The following CCDC12 variants were observed in gnomAD, a reference collection of about 807,000 sequenced individuals.
CCDC12 encodes coiled-coil domain-containing protein 12.
A neutral mutation model predicts 25.7 loss-of-function variants in CCDC12; 28 were observed. That is an observed-to-expected ratio of 1.09 (90% CI 0.81 to 1.50). CCDC12 has a LOEUF of 1.50. Ranked by LOEUF, CCDC12 falls within the 40% of genes most tolerant of loss-of-function variation. CCDC12 has a pLI of 0.00. For missense variants in CCDC12, 198 were observed against 210.0 expected (o/e 0.94, Z 0.35); for synonymous variants, 75 against 87.7 (o/e 0.86, Z 0.81).
chr3:46,930,986 G>A (rs1418182313), intron 2 of CCDC12, among the ~76,000 whole-genome samples: 1 of 152,230 alleles, frequency 6.6e-6, no homozygotes, highest in East Asian at 1.9e-4. Context: ...GCCTCAAGCT[G>A]GATAAAGGAA....
intron 5 of CCDC12, 55 bp downstream of exon 5, chr3:46,923,274 T>C (rs1426004189): frequency 6.9e-7 from 1 of 1,445,990 alleles, no homozygotes; most frequent in East Asian, 2.5e-5. Flanking sequence ...AGGCCCATGC[T>C]GGCACCAAGA....
At chr3:46,934,844 A>G (rs185300451) in intron 2 of CCDC12, among the ~76,000 whole-genome samples, 1 of 152,338 alleles carries the variant, frequency 6.6e-6, no homozygotes, top group East Asian at 1.9e-4. Flanking sequence ...CTACAGTGGG[A>G]CTGAAAGAAC....
At chr3:46,961,043 A>G (rs1430281846) in intron 1 of CCDC12, among the ~76,000 whole-genome samples, 23 of 114,570 alleles carry the variant, frequency 2.0e-4, no homozygotes, top group Non-Finnish European at 3.1e-4. Context: ...TGTGGGGGGA[A>G]GTGTGTGGGG....
intron 1 of CCDC12, among the ~76,000 whole-genome samples, chr3:46,961,287 C>T (rs138257495): frequency 1.7e-4 from 26 of 152,308 alleles, no homozygotes; most frequent in African/African-American, 5.8e-4. Flanking sequence ...TATTACAATT[C>T]TTAGTGCTAC....
chr3:46,942,211 C>T (rs1017921392), intron 1 of CCDC12, among the ~76,000 whole-genome samples: 9 of 152,256 alleles, frequency 5.9e-5, no homozygotes, highest in African/African-American at 1.9e-4. Context: ...TGTGGACAAA[C>T]TGACGCAGGG....
At chr3:46,934,551 A>G (rs1277366794) in intron 2 of CCDC12, among the ~76,000 whole-genome samples, 1 of 152,202 alleles carries the variant, frequency 6.6e-6, no homozygotes, top group East Asian at 1.9e-4. Flanking sequence ...GGAAGCTGAG[A>G]TCAGGACATA....
chr3:46,981,617 G>A (rs1310375693), upstream of CCDC12, among the ~76,000 whole-genome samples: 1 of 152,178 alleles, frequency 6.6e-6, no homozygotes, highest in African/African-American at 2.4e-5. Flanking sequence ...TTGTGAAGGA[G>A]CAGAGGGTTT....
In CCDC12 at chr3:46,923,562, G is replaced by C. The variant is rs372849675; in HGVS notation, c.306+45C>G. ...GAGAGCAAGTGGCGAAGAGAAACAG[G>C]ACACACAGAAGCAGCGAGGATGCCA... On this transcript the variant is annotated intron_variant, in intron 4 of 6. Transcript: ENST00000683445. The C allele has an allele frequency of 1.9e-6, 3 of 1,582,960 alleles. No individual in the cohort carries two copies. In the African/African-American group the frequency reaches 4.0e-5, roughly 21 times the overall value.
chr3:46,959,552 G>T (rs1403930294), intron 1 of CCDC12, among the ~76,000 whole-genome samples: 1 of 152,158 alleles, frequency 6.6e-6, no homozygotes, highest in East Asian at 1.9e-4. Context: ...TTCATGCCTT[G>T]TTCCTTCCCT....
intron 1 of CCDC12, 27 bp from the exon 2 acceptor site, chr3:46,941,092 G>A (rs981202105): frequency 1.2e-6 from 2 of 1,611,802 alleles, no homozygotes; most frequent in Non-Finnish European, 1.7e-6. Flanking sequence ...AAAACCACCA[G>A]CTCAGTTGAA....
intron 1 of CCDC12, among the ~76,000 whole-genome samples, chr3:46,965,813 G>C (rs1055386434): frequency 1.3e-5 from 2 of 152,212 alleles, no homozygotes; most frequent in African/African-American, 4.8e-5. Context: ...ACAAGTTAAA[G>C]GGGCCCTCAA....
chr3:46,957,889 G>C (rs938038643), intron 1 of CCDC12, among the ~76,000 whole-genome samples: 1 of 151,878 alleles, frequency 6.6e-6, no homozygotes, highest in African/African-American at 2.4e-5. Context: ...GTTGCAGTGA[G>C]CTGAGATCGT....
intron 1 of CCDC12, among the ~76,000 whole-genome samples, chr3:46,966,527 G>C (rs1010699860): frequency 9.9e-5 from 15 of 151,208 alleles, no homozygotes; most frequent in Non-Finnish European, 1.6e-4. Context: ...AAAAAAAAAA[G>C]AAAGAAAGAA....
intron 1 of CCDC12, among the ~76,000 whole-genome samples, chr3:46,967,677 G>A (rs1270048351): frequency 6.6e-6 from 1 of 152,146 alleles, no homozygotes; most frequent in African/African-American, 2.4e-5. Flanking sequence ...TTCCATAGAA[G>A]CCCCTTGAGG....
At chr3:46,960,762 C>T (rs928403720) in intron 1 of CCDC12, among the ~76,000 whole-genome samples, 12 of 152,198 alleles carry the variant, frequency 7.9e-5, no homozygotes, top group African/African-American at 2.4e-4. Flanking sequence ...TTATCAAGCT[C>T]GCTATGGGGT....
intron 1 of CCDC12, among the ~76,000 whole-genome samples, chr3:46,966,355 A>T (rs2034639702): frequency 6.6e-6 from 1 of 152,124 alleles, no homozygotes; most frequent in African/African-American, 2.4e-5. Context: ...TCTACTAAAA[A>T]TACAAAAATT....
At chr3:46,976,599 G>A (rs1008926293) in intron 1 of CCDC12, 38 bp downstream of exon 1, 1 of 1,590,444 alleles carries the variant, frequency 6.3e-7, no homozygotes, top group African/African-American at 1.3e-5. Context: ...CCCGAACGCT[G>A]GACGCCTCAA....
chr3:46,923,531 C>T lies in CCDC12; in HGVS notation c.306+76G>A, dbSNP rs766974893. 5 of 1,500,490 alleles carry T rather than the reference C, an allele frequency of 3.3e-6. No individual in the cohort carries two copies. In the Admixed American group the frequency reaches 9.5e-5, roughly 28 times the overall value. 92.9% of individuals were successfully genotyped at this position (1,500,490 alleles called of 1,614,324 possible). On this transcript the variant is annotated intron_variant, in intron 4 of 6. Coordinates refer to ENST00000683445, the MANE Select transcript of CCDC12 (RefSeq NM_001277074.2). ...AGAAGTGACGAGAAGGAATGGGGGG[C>T]AGAGGGAGAGCAAGTGGCGAAGAGA...
intron 1 of CCDC12, among the ~76,000 whole-genome samples, chr3:46,961,132 G>A (rs1422771643): frequency 6.6e-6 from 1 of 152,024 alleles, no homozygotes; most frequent in African/African-American, 2.4e-5. Context: ...AGGGGGCTGG[G>A]TGTGGAGAGT....
Sources: allele counts gnomAD v4.1 joint callset (sites outside exome capture counted in the v4.1 genomes callset), GRCh38; gene constraint gnomAD v4.1.1; transcripts MANE v1.5; gene names NCBI Gene and HGNC (gene_info 2026-07-23, HGNC 2026-07-21).